The following PDZRN4 variants were observed in gnomAD, a reference collection of about 807,000 sequenced individuals.
PDZRN4 encodes the protein PDZ domain containing ring finger 4.
PDZRN4 carries 70 observed loss-of-function variants against 99.0 expected under a neutral mutation model. The observed-to-expected ratio is 0.71, with a 90% CI of 0.58 to 0.86. PDZRN4 has a LOEUF of 0.86. Ranked by LOEUF, PDZRN4 falls within the 40% of genes least tolerant of loss-of-function variation. PDZRN4 has a pLI of 0.00. For synonymous variants in PDZRN4, 551 were observed against 501.6 expected (o/e 1.10, Z -1.32); for missense variants, 1,474 against 1,331.2 (o/e 1.11, Z -1.67).
At chr12:41,536,280 G>GA (rs1938747333) in intron 5 of PDZRN4, among the ~76,000 whole-genome samples, 1 of 152,066 alleles carries the variant, frequency 6.6e-6, no homozygotes, top group Non-Finnish European at 1.5e-5. Flanking sequence ...GTCAAGCCAT[G>GA]AAAAAACATG....
At chr12:41,546,039 T>C (rs1432733920) in intron 5 of PDZRN4, among the ~76,000 whole-genome samples, 1 of 152,170 alleles carries the variant, frequency 6.6e-6, no homozygotes, top group African/African-American at 2.4e-5. Context: ...ACTAGTTCCT[T>C]TAGCATGTGA....
rs1333637249 is a variant in PDZRN4, at chr12:41,188,837, C to T, written c.382C>T (p.Pro128Ser). 1.6e-6 allele frequency: 2 copies of T among 1,275,814 alleles called. No individual in the cohort carries two copies. Among genetic ancestry groups the T allele is most frequent in the South Asian group, 2.5e-5 (1 of 39,312 alleles). The allele number at this position is 1,275,814 out of a possible 1,614,324, so 79.0% of individuals were successfully genotyped here. The change falls in exon 1 of 10, where the codon CCC becomes TCC. Residue 128 changes from proline to serine, a missense_variant. Transcript: ENST00000402685. The stretch of plus-strand genomic sequence containing the variant: ...TTCGGGGCTGGGCGGTGGTGAGGTG[C>T]CCGCGCGGGGGGGCTGCGGTCCGAC... ...CASGLGGGEV[P>S]ARGGCGPTPR...
chr12:41,324,151 T>C (rs182526097), intron 3 of PDZRN4, among the ~76,000 whole-genome samples: 6 of 152,168 alleles, frequency 3.9e-5, no homozygotes, highest in Admixed American at 1.3e-4. Context: ...ATAAAACATA[T>C]CTAAATAAAA....
chr12:41,514,735 G>A (rs1332432356), intron 5 of PDZRN4, among the ~76,000 whole-genome samples: 4 of 152,096 alleles, frequency 2.6e-5, no homozygotes, highest in African/African-American at 7.2e-5. Flanking sequence ...AAGGGAAGTG[G>A]AAAAGAACTT....
chr12:41,555,646 C>A, intron 6 of PDZRN4, 52 bp from the exon 7 acceptor site: 1 of 1,369,946 alleles, frequency 7.3e-7, no homozygotes, highest in South Asian at 1.2e-5. Flanking sequence ...TTTTTAAGTT[C>A]TTGAGGGAAT....
At chr12:41,197,493 T>C (rs1950781231) in intron 3 of PDZRN4, among the ~76,000 whole-genome samples, 1 of 152,210 alleles carries the variant, frequency 6.6e-6, no homozygotes, top group Middle Eastern at 3.2e-3. Flanking sequence ...TTCTAGCTAT[T>C]TCCACATCCA....
intron 3 of PDZRN4, among the ~76,000 whole-genome samples, chr12:41,478,757 C>G (rs1937628681): frequency 6.6e-6 from 1 of 152,090 alleles, no homozygotes. Context: ...GGGCCCTTCA[C>G]ATACACACAC....
intron 3 of PDZRN4, among the ~76,000 whole-genome samples, chr12:41,447,836 A>G (rs1952742256): frequency 1.3e-5 from 2 of 152,120 alleles, no homozygotes; most frequent in Admixed American, 6.6e-5. Flanking sequence ...CACTGAACTT[A>G]CCCATAAATT....
chr12:41,486,415 C>CA (rs1014727504), intron 3 of PDZRN4, among the ~76,000 whole-genome samples: 1 of 151,906 alleles, frequency 6.6e-6, no homozygotes, highest in Non-Finnish European at 1.5e-5. Flanking sequence ...CTCTGTCATG[C>CA]AAAAAATAGG....
intron 3 of PDZRN4, among the ~76,000 whole-genome samples, chr12:41,211,826 G>A (rs188667745): frequency 6.6e-6 from 1 of 151,992 alleles, no homozygotes; most frequent in East Asian, 1.9e-4. Context: ...AGTTTTTAAC[G>A]AGACCAGAAA....
rs201298001 is a variant in PDZRN4 at position 41,330,490 on chromosome 12, TAAA to T, written c.843+136317_843+136319del. Reference sequence around the variant, plus strand: ...TTGCAGTTCTGTAGGTCTAATATGGTAAAAAAAAAAAAAAAAAGACAATTTCCT... The same window carrying T: ...TTGCAGTTCTGTAGGTCTAATATGGTAAAAAAAAAAAAAAGACAATTTCCT... On this transcript the variant is annotated intron_variant, in intron 3 of 9. Coordinates refer to ENST00000402685, the MANE Select transcript of PDZRN4 (RefSeq NM_001164595.2). 6.9e-3 allele frequency among the ~76,000 whole-genome samples: 965 copies of T among 139,462 alleles called. 11 individuals are homozygous for T. Among genetic ancestry groups the T allele is most frequent in the African/African-American group, 0.022 (840 of 37,342 alleles). 91.5% of individuals were successfully genotyped at this position (139,462 alleles called of 152,430 possible). A position where few individuals can be genotyped will look rare whatever the true frequency, so the allele number is the denominator to read the frequency against.
At chr12:41,415,542 T>A (rs979477550) in intron 3 of PDZRN4, among the ~76,000 whole-genome samples, 17 of 152,080 alleles carry the variant, frequency 1.1e-4, no homozygotes, top group Non-Finnish European at 2.1e-4. Context: ...CCCTGTCAAA[T>A]TTCTAAAAGC....
chr12:41,206,569 G>A (rs1050179692), intron 3 of PDZRN4, among the ~76,000 whole-genome samples: 2 of 149,386 alleles, frequency 1.3e-5, no homozygotes, highest in Non-Finnish European at 1.5e-5. Flanking sequence ...ATTTATTAAG[G>A]AGCTTAGAAA....
At chr12:41,450,912 A>G (rs1344244873) in intron 3 of PDZRN4, among the ~76,000 whole-genome samples, 2 of 152,160 alleles carry the variant, frequency 1.3e-5, no homozygotes, top group Non-Finnish European at 2.9e-5. Flanking sequence ...TGTGTGACAG[A>G]GCAAGACCCT....
chr12:41,403,674 A>G (rs1256988587), intron 3 of PDZRN4, among the ~76,000 whole-genome samples: 1 of 152,148 alleles, frequency 6.6e-6, no homozygotes, highest in Non-Finnish European at 1.5e-5. Flanking sequence ...TTCAATTAGA[A>G]CAATCATGAG....
intron 3 of PDZRN4, among the ~76,000 whole-genome samples, chr12:41,235,725 G>A (rs565242110): frequency 4.5e-4 from 69 of 152,158 alleles, no homozygotes; most frequent in South Asian, 8.3e-4. Flanking sequence ...ACATACACGC[G>A]GGCCTCAGGG....
At chr12:41,267,767 G>A (rs901861141) in intron 3 of PDZRN4, among the ~76,000 whole-genome samples, 1 of 152,066 alleles carries the variant, frequency 6.6e-6, no homozygotes, top group African/African-American at 2.4e-5. Context: ...CGTGAACCCA[G>A]GAGATGGAGG....
At chr12:41,459,500 C>CGTAA (rs1952849701) in intron 3 of PDZRN4, among the ~76,000 whole-genome samples, 1 of 152,210 alleles carries the variant, frequency 6.6e-6, no homozygotes, top group South Asian at 2.1e-4. Context: ...TTTAAGCCTT[C>CGTAA]TTACCCACTG....
At chr12:41,356,835 T>C (rs1951931210) in intron 3 of PDZRN4, among the ~76,000 whole-genome samples, 1 of 151,958 alleles carries the variant, frequency 6.6e-6, no homozygotes, top group African/African-American at 2.4e-5. Context: ...ACAAGTGGCA[T>C]TCTGTTCAGA....
Sources: gnomAD v4.1 joint callset for allele counts (sites outside exome capture counted in the v4.1 genomes callset) on GRCh38, gnomAD v4.1.1 for gene constraint, MANE v1.5 for transcripts, NCBI Gene and HGNC (gene_info 2026-07-23, HGNC 2026-07-21) for gene names.